ZNF385D: variants seen among roughly 807,000 people sequenced by gnomAD.
ZNF385D encodes zinc finger protein 659.
A neutral mutation model predicts 35.8 loss-of-function variants in ZNF385D; 15 were observed. That is an observed-to-expected ratio of 0.42 (90% CI 0.28 to 0.64). The LOEUF is 0.64. Among genes scored for constraint, ZNF385D ranks in the 30% least tolerant of loss-of-function variants. The pLI is 0.23. For missense variants in ZNF385D, 474 were observed against 494.6 expected, an observed-to-expected ratio of 0.96 and a Z score of 0.39; for synonymous variants, 212 against 186.8, an observed-to-expected ratio of 1.13 and a Z score of -1.10.
At chr3:22,196,201 G>C (rs1696400734) in intron 2 of ZNF385D, among the ~76,000 whole-genome samples, 2 of 152,002 alleles carry the variant, frequency 1.3e-5, no homozygotes, top group Non-Finnish European at 2.9e-5. Context: ...ATAAATGTTT[G>C]CTAATCGAAT....
intron 3 of ZNF385D, among the ~76,000 whole-genome samples, chr3:21,970,559 G>A (rs982794303): frequency 1.3e-5 from 2 of 151,870 alleles, no homozygotes; most frequent in South Asian, 4.1e-4. Context: ...GGAAAACCTA[G>A]AAAACAGCCT....
chr3:21,556,068 G>GTTTTTTTTTTTT (rs148079775), intron 3 of ZNF385D, among the ~76,000 whole-genome samples: 4 of 99,012 alleles, frequency 4.0e-5, no homozygotes, highest in South Asian at 3.6e-4. Flanking sequence ...TTTTGTTTTT[G>GTTTTTTTTTTTT]TTTTTTTTTT....
chr3:21,858,208 A>C (rs1308496189), intron 3 of ZNF385D, among the ~76,000 whole-genome samples: 3 of 151,952 alleles, frequency 2.0e-5, no homozygotes, highest in Non-Finnish European at 4.4e-5. Context: ...TTATCTCAGA[A>C]ACGTCAGAAA....
intron 1 of ZNF385D, among the ~76,000 whole-genome samples, chr3:21,725,498 GA>G (rs1469802327): frequency 6.6e-6 from 1 of 152,062 alleles, no homozygotes; most frequent in Non-Finnish European, 1.5e-5. Context: ...TGATACAGGG[GA>G]TATCACAACT....
chr3:21,841,260 T>C (rs1309338097), intron 3 of ZNF385D, among the ~76,000 whole-genome samples: 2 of 152,000 alleles, frequency 1.3e-5, no homozygotes, highest in Admixed American at 1.3e-4. Flanking sequence ...CAAAAATAGA[T>C]GCACATTATT....
At chr3:21,440,576 T>G (rs542973811) in intron 4 of ZNF385D, among the ~76,000 whole-genome samples, 52 of 152,160 alleles carry the variant, frequency 3.4e-4, no homozygotes, top group African/African-American at 1.2e-3. Context: ...AAATAAAGAA[T>G]GGGCTTTAGT....
intron 2 of ZNF385D, among the ~76,000 whole-genome samples, chr3:21,574,610 A>G (rs930211930): frequency 2.3e-4 from 35 of 152,262 alleles, no homozygotes; most frequent in African/African-American, 6.5e-4. Flanking sequence ...CATTATAAAT[A>G]TAGTGAAATA....
intron 3 of ZNF385D, among the ~76,000 whole-genome samples, chr3:22,074,500 C>T (rs1281586672): frequency 6.6e-6 from 1 of 151,912 alleles, no homozygotes; most frequent in Non-Finnish European, 1.5e-5. Flanking sequence ...ATATTGGTTA[C>T]TTCTGATTAT....
At chr3:21,762,271 A>G (rs536941299) in intron 3 of ZNF385D, among the ~76,000 whole-genome samples, 6 of 151,958 alleles carry the variant, frequency 3.9e-5, no homozygotes, top group Admixed American at 1.3e-4. Context: ...CCTTTCCACT[A>G]CTATCTCTAT....
intron 4 of ZNF385D, among the ~76,000 whole-genome samples, chr3:21,498,596 G>GA (rs1706105171): frequency 3.3e-5 from 5 of 152,066 alleles, no homozygotes; most frequent in African/African-American, 1.2e-4. Flanking sequence ...AAAAACATAG[G>GA]AAAAAATGCT....
chr3:21,599,917 A>T lies in ZNF385D; in HGVS notation c.166-35233T>A, dbSNP rs1329496382. 3.9e-5 allele frequency among the ~76,000 whole-genome samples: 6 copies of T among 152,178 alleles called. No individual in the cohort carries two copies. In the East Asian group the frequency reaches 7.7e-4, roughly 20 times the overall value. ...ATTCCCAGATGGTTAAGGCATTCTA[A>T]ATCACAGGATGAGACAGGTGGTCTG... On this transcript the variant is annotated intron_variant, in intron 2 of 7. Coordinates refer to ENST00000281523, the MANE Select transcript of ZNF385D (RefSeq NM_024697.3).
chr3:22,172,764 A>T (rs547777009), intron 2 of ZNF385D, among the ~76,000 whole-genome samples: 1 of 152,348 alleles, frequency 6.6e-6, no homozygotes, highest in East Asian at 1.9e-4. Context: ...TTCAATGAGT[A>T]TATACTGATA....
Position 21,890,895 on chromosome 3 carries a change from T to G in ZNF385D, c.326-225867A>C, listed in dbSNP as rs188294772. Among the ~76,000 whole-genome samples the G allele has an allele frequency of 3.9e-5, 6 of 152,306 alleles. No individual in the cohort carries two copies. In the East Asian group the frequency reaches 1.2e-3, roughly 29 times the overall value. On this transcript the variant is annotated intron_variant, in intron 3 of 5. Transcript: ENST00000494108. ...TTCAAACCACATTGGTTGTACGATT[T>G]TTGTTTTTATAATTTTGTTTTTGGT...
At chr3:21,441,727 G>T in intron 4 of ZNF385D, 1 of 985,308 alleles carries the variant, frequency 1.0e-6, no homozygotes, top group Non-Finnish European at 1.2e-6. Flanking sequence ...GGGCTTCATT[G>T]CACCTTTTTT....
intron 2 of ZNF385D, among the ~76,000 whole-genome samples, chr3:21,602,675 G>A (rs1452009228): frequency 1.3e-5 from 2 of 150,382 alleles, no homozygotes; most frequent in Admixed American, 1.3e-4. Context: ...TGGGACTACA[G>A]GCGCCCGCCA....
intron 4 of ZNF385D, among the ~76,000 whole-genome samples, chr3:21,448,949 G>A (rs952555216): frequency 3.3e-5 from 5 of 151,868 alleles, no homozygotes; most frequent in African/African-American, 9.7e-5. Flanking sequence ...TCATCAAAGC[G>A]CTAATTTAAA....
chr3:21,864,939 G>A (rs532940043), intron 3 of ZNF385D, among the ~76,000 whole-genome samples: 81 of 142,340 alleles, frequency 5.7e-4, no homozygotes, highest in African/African-American at 8.6e-4. Context: ...GTCAAACATC[G>A]TTAGTGTGAT....
intron 4 of ZNF385D, among the ~76,000 whole-genome samples, chr3:21,466,870 C>T (rs1351833460): frequency 6.6e-6 from 1 of 152,106 alleles, no homozygotes; most frequent in East Asian, 1.9e-4. Context: ...TACTGCCCCA[C>T]CATTTGATAA....
intron 3 of ZNF385D, among the ~76,000 whole-genome samples, chr3:21,982,192 T>C (rs1694501919): frequency 6.6e-6 from 1 of 152,068 alleles, no homozygotes; most frequent in African/African-American, 2.4e-5. Context: ...ATATTGATTC[T>C]TCCTATTCAT....
Sources: allele counts gnomAD v4.1 joint callset (sites outside exome capture counted in the v4.1 genomes callset), GRCh38; gene constraint gnomAD v4.1.1; transcripts MANE v1.5; gene names NCBI Gene and HGNC (gene_info 2026-07-23, HGNC 2026-07-21).